Variants in BIN3 observed in about 807,000 individuals in gnomAD.
BIN3 encodes bridging integrator 3.
A neutral mutation model predicts 38.2 loss-of-function variants in BIN3; 41 were observed. The observed-to-expected ratio is 1.07, with a 90% CI of 0.84 to 1.39. The LOEUF (loss-of-function observed/expected upper bound fraction) is 1.39. BIN3 is among the 40% of genes most tolerant of loss of function. BIN3 has a pLI of 0.00. For synonymous variants in BIN3, 145 were observed against 122.6 expected (o/e 1.18, Z -1.21); for missense variants, 361 against 324.3 (o/e 1.11, Z -0.87).
At chr8:22,651,090 T>G (rs73229847) in intron 1 of BIN3, among the ~76,000 whole-genome samples, 43,896 of 152,156 alleles carry the variant, frequency 0.29, 7,489 homozygotes, top group East Asian at 0.62. Flanking sequence ...ACTCCCAAAT[T>G]CCTGACCAAC....
intron 1 of BIN3, among the ~76,000 whole-genome samples, chr8:22,655,377 CTT>C (rs1225558015): frequency 1.3e-5 from 2 of 152,122 alleles, no homozygotes; most frequent in Non-Finnish European, 2.9e-5. Flanking sequence ...AAGATTTACT[CTT>C]GTCTTTTCTT....
intron 1 of BIN3, among the ~76,000 whole-genome samples, chr8:22,646,292 G>T (rs1421535097): frequency 6.6e-6 from 1 of 152,130 alleles, no homozygotes; most frequent in Non-Finnish European, 1.5e-5. Context: ...CCGGCAGAGG[G>T]CTCTCAGCCA....
chr8:22,637,744 T>C (rs957564623), intron 2 of BIN3, among the ~76,000 whole-genome samples: 3 of 152,176 alleles, frequency 2.0e-5, no homozygotes, highest in Non-Finnish European at 4.4e-5. Flanking sequence ...GTAAATGACA[T>C]CGAGAGGCAA....
At chr8:22,636,430 G>A (rs1187061268) in intron 4 of BIN3, 95 bp downstream of exon 4, 4 of 1,303,604 alleles carry the variant, frequency 3.1e-6, no homozygotes, top group Non-Finnish European at 3.2e-6. Flanking sequence ...TCCTCTGAGC[G>A]CAGCAACTTC....
intron 8 of BIN3, chr8:22,622,395 C>T (rs554926468): frequency 6.6e-6 from 1 of 152,314 alleles, no homozygotes; most frequent in Non-Finnish European, 1.5e-5. Context: ...ACGGCTGATA[C>T]TCCTGAGGCG....
chr8:22,620,964 G>A lies in BIN3; in HGVS notation c.*458C>T, dbSNP rs973845302. The A allele has an allele frequency of 6.5e-5, 10 of 153,876 alleles. No individual in the cohort carries two copies. Among genetic ancestry groups the A allele is most frequent in the African/African-American group, 4.8e-5 (2 of 41,488 alleles). 9.5% of individuals were successfully genotyped at this position (153,876 alleles called of 1,614,324 possible). A position where few individuals can be genotyped will look rare whatever the true frequency, so the allele number is the denominator to read the frequency against. Reference sequence around the variant, plus strand: ...CCAGGGCTGGAGGACCAGCTCTCCCGCACAGGGTTCAGGGCCTCTCCCAGA... The same window carrying A: ...CCAGGGCTGGAGGACCAGCTCTCCCACACAGGGTTCAGGGCCTCTCCCAGA... On this transcript the variant is annotated 3_prime_UTR_variant, in exon 9 of 9. Transcript: ENST00000276416.
At chr8:22,661,214 T>C (rs1803224874) in intron 1 of BIN3, among the ~76,000 whole-genome samples, 1 of 152,180 alleles carries the variant, frequency 6.6e-6, no homozygotes. Context: ...CTCTCCTTGT[T>C]ATCCTAGAGT....
chr8:22,644,827 A>C, intron 1 of BIN3, 24 bp from the exon 2 acceptor site: 1 of 1,597,536 alleles, frequency 6.3e-7, no homozygotes, highest in Non-Finnish European at 8.6e-7. Flanking sequence ...AGACAAAGAG[A>C]GATATTGTGA....
At chr8:22,637,007 G>A (rs778756677) in intron 2 of BIN3, 45 bp from the exon 3 acceptor site, 122 of 1,590,412 alleles carry the variant, frequency 7.7e-5, no homozygotes, top group African/African-American at 1.1e-4. Context: ...ATGACAACAC[G>A]GTGGAAAAAA....
At chr8:22,623,261 G>A (rs1281572956) in intron 8 of BIN3, among the ~76,000 whole-genome samples, 4 of 152,214 alleles carry the variant, frequency 2.6e-5, no homozygotes, top group African/African-American at 9.6e-5. Context: ...CTAAAGGCTT[G>A]AAGATGGAGG....
intron 1 of BIN3, among the ~76,000 whole-genome samples, 181 bp downstream of exon 1, chr8:22,668,863 T>C (rs1265102910): frequency 6.6e-6 from 1 of 152,208 alleles, no homozygotes; most frequent in Non-Finnish European, 1.5e-5. Context: ...GGAGTCCTGC[T>C]GAGAGACTGC....
chr8:22,651,011 T>C (rs1438800337), intron 1 of BIN3, among the ~76,000 whole-genome samples: 2 of 152,184 alleles, frequency 1.3e-5, no homozygotes, highest in African/African-American at 2.4e-5. Context: ...CTTTAGGGCA[T>C]AGCAGTTGTA....
chr8:22,643,433 C>A (rs117593287), intron 2 of BIN3, among the ~76,000 whole-genome samples: 3,299 of 152,296 alleles, frequency 0.022, 58 homozygotes, highest in Non-Finnish European at 0.031. Flanking sequence ...TGCGCTCAAG[C>A]AGTCCTCCTG....
At chr8:22,639,954 C>A (rs528403563) in intron 2 of BIN3, among the ~76,000 whole-genome samples, 1 of 152,026 alleles carries the variant, frequency 6.6e-6, no homozygotes, top group Non-Finnish European at 1.5e-5. Flanking sequence ...CTCCGCCTCC[C>A]GGGTTCAAGC....
chr8:22,648,192 T>TGTTG (rs1180539422), intron 1 of BIN3, among the ~76,000 whole-genome samples: 2 of 151,528 alleles, frequency 1.3e-5, no homozygotes, highest in Admixed American at 1.3e-4. Context: ...ATAATTCCTA[T>TGTTG]GTTGCCCACC....
At chr8:22,641,827 C>T (rs1295090153) in intron 2 of BIN3, among the ~76,000 whole-genome samples, 1 of 152,146 alleles carries the variant, frequency 6.6e-6, no homozygotes, top group African/African-American at 2.4e-5. Flanking sequence ...AGCAAAGCTT[C>T]GAAGAGCTCT....
intron 6 of BIN3, among the ~76,000 whole-genome samples, chr8:22,629,461 G>A (rs557450254): frequency 6.6e-6 from 1 of 152,334 alleles, no homozygotes; most frequent in South Asian, 2.1e-4. Context: ...GACCCCAACA[G>A]GTCACAAGCT....
At chr8:22,640,104 C>T (rs1802496193) in intron 2 of BIN3, among the ~76,000 whole-genome samples, 1 of 151,962 alleles carries the variant, frequency 6.6e-6, no homozygotes, top group South Asian at 2.1e-4. Context: ...TCAGGTGATC[C>T]CCCCCGCCTC....
At chr8:22,668,527 T>C (rs1326684676) in intron 1 of BIN3, among the ~76,000 whole-genome samples, 2 of 152,202 alleles carry the variant, frequency 1.3e-5, no homozygotes, top group Admixed American at 6.5e-5. Flanking sequence ...AGTGTAATTC[T>C]GGCCCCTTTA....
Sources: gnomAD v4.1 joint callset for allele counts (sites outside exome capture counted in the v4.1 genomes callset) on GRCh38, gnomAD v4.1.1 for gene constraint, MANE v1.5 for transcripts, NCBI Gene and HGNC (gene_info 2026-07-23, HGNC 2026-07-21) for gene names.